NQO2: variants seen among roughly 807,000 people sequenced by gnomAD.
NQO2 encodes the protein N-ribosyldihydronicotinamide:quinone dehydrogenase 2.
A neutral mutation model predicts 22.0 loss-of-function variants in NQO2; 18 were observed. The observed-to-expected ratio is 0.82, with a 90% CI of 0.56 to 1.21. The LOEUF (loss-of-function observed/expected upper bound fraction) is 1.21. Ranked by LOEUF, NQO2 falls within the 50% of genes most tolerant of loss-of-function variation. NQO2 has a pLI of 0.00. For missense variants in NQO2, 267 were observed against 286.9 expected, an observed-to-expected ratio of 0.93 and a Z score of 0.50; for synonymous variants, 106 against 110.8, an observed-to-expected ratio of 0.96 and a Z score of 0.28.
At position 3,006,368 on chromosome 6, in the gene NQO2, T is replaced by C; in HGVS notation, c.-85-100T>C. The C allele has an allele frequency of 7.0e-7, 1 of 1,422,640 alleles. No individual in the cohort carries two copies. The highest frequency in any genetic ancestry group is 9.2e-7 in the Non-Finnish European group (1 of 1,088,304). The allele number at this position is 1,422,640 out of a possible 1,614,324, so 88.1% of individuals were successfully genotyped here. A position where few individuals can be genotyped will look rare whatever the true frequency, so the allele number is the denominator to read the frequency against. The stretch of plus-strand genomic sequence containing the variant: ...TCTTGAGAGGTCTTTCTCTGATGTG[T>C]TTGCGTGTCTGTCAGGAAGCAGCAG... On this transcript the variant is annotated intron_variant, in intron 1 of 6. Transcript: ENST00000380455. This position sits in a 1 kb window ranked among gnomAD's most constrained non-coding sequence, Gnocchi z 4.0.
rs748438826 is a variant in NQO2 at position 3,006,337 on chromosome 6, G to T, written c.-85-131G>T. The T allele has an allele frequency of 2.9e-6, 4 of 1,369,508 alleles. No homozygotes were observed. The highest frequency in any genetic ancestry group is 3.8e-6 in the Non-Finnish European group (4 of 1,058,162). 84.8% of individuals were successfully genotyped at this position (1,369,508 alleles called of 1,614,324 possible). A position where few individuals can be genotyped will look rare whatever the true frequency, so the allele number is the denominator to read the frequency against. On this transcript the variant is annotated intron_variant, in intron 1 of 6. Transcript: ENST00000380455. This position sits in a 1 kb window ranked among gnomAD's most constrained non-coding sequence, Gnocchi z 4.0. ...AGGCCTAAATCTCCAGAAGATTCCT[G>T]GCCTCTCTTGAGAGGTCTTTCTCTG...
rs898388697 is a variant in NQO2, at chr6:3,013,049, G to A, written c.303+375G>A. Reference sequence around the variant, plus strand: ...CGGCTCACTGCAAGCTCCGCCTCCCGGGTTCACGCCATTCTCCCGCCTCAG... The same window carrying A: ...CGGCTCACTGCAAGCTCCGCCTCCCAGGTTCACGCCATTCTCCCGCCTCAG... On this transcript the variant is annotated intron_variant, in intron 4 of 6. Transcript: ENST00000380455. 6.6e-5 allele frequency among the ~76,000 whole-genome samples: 9 copies of A among 137,262 alleles called. No individual in the cohort carries two copies. In the East Asian group the frequency reaches 1.2e-3, roughly 18 times the overall value. The allele number at this position is 137,262 out of a possible 152,430, so 90.0% of individuals were successfully genotyped here. A position where few individuals can be genotyped will look rare whatever the true frequency, so the allele number is the denominator to read the frequency against.
In NQO2 at chr6:3,012,489, G is replaced by C. The variant is rs1340381660; in HGVS notation, c.173-55G>C. On this transcript the variant is annotated intron_variant, in intron 3 of 6. Coordinates refer to ENST00000380455, the MANE Select transcript of NQO2 (RefSeq NM_000904.6). ...TACACAGTGCTACTGGGATGGTTGG[G>C]ATGGGCTGTGGATGCCCACCTAGGA... 4 of 1,557,484 alleles carry C rather than the reference G, an allele frequency of 2.6e-6. No homozygotes were observed. The East Asian group carries it at 9.2e-5, about 36-fold the overall frequency.
intron 3 of NQO2, among the ~76,000 whole-genome samples, chr6:3,010,456 C>A (rs1054458758): frequency 6.6e-6 from 1 of 151,940 alleles, no homozygotes; most frequent in South Asian, 2.1e-4. Flanking sequence ...CCCCTCCCCA[C>A]AAACTACCCA....
chr6:3,001,663 C>G (rs754356726), intron 1 of NQO2, among the ~76,000 whole-genome samples: 1 of 151,996 alleles, frequency 6.6e-6, no homozygotes, highest in Non-Finnish European at 1.5e-5. Context: ...ATGCCCAGCA[C>G]GGGGACTGTC....
intron 6 of NQO2, among the ~76,000 whole-genome samples, chr6:3,018,741 T>C (rs1368016157): frequency 6.6e-6 from 1 of 152,148 alleles, no homozygotes; most frequent in Non-Finnish European, 1.5e-5. Flanking sequence ...AAGGAAATGA[T>C]AATTTATAAA....
intron 4 of NQO2, among the ~76,000 whole-genome samples, chr6:3,013,377 G>A (rs528179805): frequency 6.6e-6 from 1 of 152,230 alleles, no homozygotes; most frequent in South Asian, 2.1e-4. Context: ...TTATTCCAGT[G>A]GTCCAAGAAT....
Position 3,019,529 on chromosome 6 carries a change from C to G in NQO2, c.570C>G (p.Ser190Arg), listed in dbSNP as rs1217451483. The change falls in exon 7 of 7, where the codon AGC becomes AGG. Residue 190 changes from serine to arginine, a missense_variant. Physicochemically the swap from Ser to Arg is moderately radical, Grantham distance 110 (BLOSUM62 -1). Coordinates refer to ENST00000380455, the MANE Select transcript of NQO2 (RefSeq NM_000904.6). ...CGFKVLAPQI[S>R]FAPEIASEEE... Reference sequence around the variant, plus strand: ...TTAAAGTCCTTGCCCCTCAGATCAGCTTTGCTCCTGAAATTGCATCCGAAG... The same window carrying G: ...TTAAAGTCCTTGCCCCTCAGATCAGGTTTGCTCCTGAAATTGCATCCGAAG... 2 of 1,614,058 alleles carry G rather than the reference C, an allele frequency of 1.2e-6. No individual in the cohort carries two copies. Among genetic ancestry groups the G allele is most frequent in the Non-Finnish European group, 1.7e-6 (2 of 1,180,044 alleles).
In NQO2 at chr6:3,016,066, G is replaced by A. The variant is rs116131513; in HGVS notation, c.417+423G>A. ...TGAGAAAAGACCATGCGACACCCACGTGGCAGGATGAGGAGGGCATGGAAT... is the reference window on the plus strand; with the variant it reads ...TGAGAAAAGACCATGCGACACCCACATGGCAGGATGAGGAGGGCATGGAAT... On this transcript the variant is annotated intron_variant, in intron 5 of 6. Coordinates refer to ENST00000380455, the MANE Select transcript of NQO2 (RefSeq NM_000904.6). 2.8e-3 allele frequency among the ~76,000 whole-genome samples: 426 copies of A among 152,316 alleles called. 2 individuals are homozygous for A. Among genetic ancestry groups the A allele is most frequent in the African/African-American group, 9.2e-3 (383 of 41,566 alleles).
chr6:3,014,090 T>C (rs942331677), intron 4 of NQO2, among the ~76,000 whole-genome samples: 1 of 152,172 alleles, frequency 6.6e-6, no homozygotes, highest in Non-Finnish European at 1.5e-5. Flanking sequence ...GAGTCCGCCA[T>C]GTGAGGGCAA....
Position 3,015,058 on chromosome 6 carries a change from T to A in NQO2, c.304-472T>A, listed in dbSNP as rs1028346895. On this transcript the variant is annotated intron_variant, in intron 4 of 6. Coordinates refer to ENST00000380455, the MANE Select transcript of NQO2 (RefSeq NM_000904.6). ...GGGCATCTATGGGATAGGGAGATCT[T>A]AGCGCTGGTCTAAGGAATACAAACA... 7.8e-6 allele frequency: 10 copies of A among 1,277,152 alleles called. No individual in the cohort carries two copies. In the East Asian group the frequency reaches 5.0e-4, roughly 64 times the overall value. The allele number at this position is 1,277,152 out of a possible 1,614,324, so 79.1% of individuals were successfully genotyped here. A position where few individuals can be genotyped will look rare whatever the true frequency, so the allele number is the denominator to read the frequency against.
At chr6:3,019,024 A>G (rs1241451270) in intron 6 of NQO2, among the ~76,000 whole-genome samples, 1 of 152,184 alleles carries the variant, frequency 6.6e-6, no homozygotes, top group East Asian at 1.9e-4. Context: ...TATTACATTT[A>G]CTGCTCTTTT....
chr6:3,008,761 C>G (rs1757040860), intron 2 of NQO2, among the ~76,000 whole-genome samples: 1 of 152,148 alleles, frequency 6.6e-6, no homozygotes, highest in African/African-American at 2.4e-5. Flanking sequence ...AATTTTAAAG[C>G]TGGGTGTCCA....
At position 3,018,871 on chromosome 6, in the gene NQO2, C is replaced by CA. The variant is rs541061811; in HGVS notation, c.520-598dup. Among the ~76,000 whole-genome samples the CA allele has an allele frequency of 3.7e-4, 52 of 140,276 alleles. 1 individual carries two copies. Among genetic ancestry groups the CA allele is most frequent in the East Asian group, 2.3e-3 (11 of 4,888 alleles). 92.0% of individuals were successfully genotyped at this position (140,276 alleles called of 152,430 possible). A position where few individuals can be genotyped will look rare whatever the true frequency, so the allele number is the denominator to read the frequency against. ...AGTTTGCAGAAGTACATATTATGGC[C>CA]AAAAAAAAAAGAGACAATATGAAAT... On this transcript the variant is annotated intron_variant, in intron 6 of 6. Coordinates refer to ENST00000380455, the MANE Select transcript of NQO2 (RefSeq NM_000904.6).
At chr6:3,018,285 C>T (rs28383648) in intron 6 of NQO2, among the ~76,000 whole-genome samples, 8,834 of 152,230 alleles carry the variant, frequency 0.058, 423 homozygotes, top group African/African-American at 0.13. Context: ...GGCAGTGGAT[C>T]ACCTGAGGTC....
Position 3,004,427 on chromosome 6 carries a change from A to G in NQO2, c.-85-2041A>G. ...GGAGTGACAGTGCCCCACTCTGTTAAGTCCCATGCCTGCCCCCAACTCAGC... is the reference window on the plus strand; with the variant it reads ...GGAGTGACAGTGCCCCACTCTGTTAGGTCCCATGCCTGCCCCCAACTCAGC... On this transcript the variant is annotated intron_variant, in intron 1 of 6. Coordinates refer to ENST00000380455, the MANE Select transcript of NQO2 (RefSeq NM_000904.6). 5.1e-6 allele frequency: 5 copies of G among 985,820 alleles called. No homozygotes were observed. In the South Asian group the frequency reaches 2.3e-4, roughly 46 times the overall value. 61.1% of individuals were successfully genotyped at this position (985,820 alleles called of 1,614,324 possible).
chr6:3,000,746 T>C (rs1756660374), intron 1 of NQO2, among the ~76,000 whole-genome samples: 2 of 152,050 alleles, frequency 1.3e-5, no homozygotes, highest in Non-Finnish European at 2.9e-5. Flanking sequence ...TTCATGTTGG[T>C]CAGGCTGGTC....
chr6:3,004,367 G>A (rs1040183280), intron 1 of NQO2: 15 of 984,692 alleles, frequency 1.5e-5, no homozygotes, highest in African/African-American at 3.5e-5. Flanking sequence ...TCACCTTTGG[G>A]TGTTTGGAGT....
At chr6:3,012,437 T>C (rs1757164393) in intron 3 of NQO2, 107 bp from the exon 4 acceptor site, 1 of 1,513,902 alleles carries the variant, frequency 6.6e-7, no homozygotes, top group Non-Finnish European at 8.8e-7. Context: ...GCAGCAAATG[T>C]CTTTGACTTG....
Sources: gnomAD v4.1 joint callset for allele counts (sites outside exome capture counted in the v4.1 genomes callset) on GRCh38, gnomAD v4.1.1 for gene constraint, Gnocchi (gnomAD v3.1) non-coding constraint, MANE v1.5 for transcripts, NCBI Gene and HGNC (gene_info 2026-07-23, HGNC 2026-07-21) for gene names.